ACOXL: variants seen among roughly 807,000 people sequenced by gnomAD.
ACOXL encodes acyl-CoA oxidase like.
In ACOXL, 70 loss-of-function variants were observed where a neutral mutation model predicts 71.9. That is an observed-to-expected ratio of 0.97 (90% confidence interval 0.80 to 1.19). ACOXL has a LOEUF of 1.19. ACOXL is among the 50% of genes most tolerant of loss of function. ACOXL has a pLI of 0.00. For synonymous variants in ACOXL, 253 were observed against 281.6 expected, an observed-to-expected ratio of 0.90 and a Z score of 1.02; for missense variants, 703 against 736.3, an observed-to-expected ratio of 0.95 and a Z score of 0.52.
At chr2:110,959,803 C>T (rs2061633133) in intron 12 of ACOXL, among the ~76,000 whole-genome samples, 1 of 152,142 alleles carries the variant, frequency 6.6e-6, no homozygotes, top group African/African-American at 2.4e-5. Context: ...CTTCTTTCAG[C>T]GATGACTGCA....
intron 12 of ACOXL, among the ~76,000 whole-genome samples, chr2:110,981,477 A>G (rs1015352209): frequency 1.3e-5 from 2 of 152,216 alleles, no homozygotes; most frequent in African/African-American, 4.8e-5. Flanking sequence ...GAGCGATTCC[A>G]TGAACTACCC....
intron 10 of ACOXL, among the ~76,000 whole-genome samples, chr2:110,871,181 G>A (rs1480702538): frequency 6.6e-6 from 1 of 152,156 alleles, no homozygotes; most frequent in Non-Finnish European, 1.5e-5. Flanking sequence ...TGCAAAACAT[G>A]TTGGAAAAAT....
At position 110,874,705 on chromosome 2, in the gene ACOXL, T is replaced by TAGAGC. The variant is rs368419469; in HGVS notation, c.788+33311_788+33315dup. Among the ~76,000 whole-genome samples, 188 of 152,252 alleles carry TAGAGC rather than the reference T, an allele frequency of 1.2e-3. 1 individual carries two copies. In the Middle Eastern group the frequency reaches 0.017, roughly 14 times the overall value. The stretch of plus-strand genomic sequence containing the variant: ...TGGGTGTTGCGAGGGTTTAACAAGT[T>TAGAGC]AGAGCAGAGCAGAGCTCACGGTGGA... On this transcript the variant is annotated intron_variant, in intron 10 of 17. Coordinates refer to ENST00000439055, the MANE Select transcript of ACOXL (RefSeq NM_001142807.4).
intron 9 of ACOXL, among the ~76,000 whole-genome samples, chr2:110,824,725 G>T (rs986799966): frequency 2.0e-5 from 3 of 151,818 alleles, no homozygotes; most frequent in Non-Finnish European, 4.4e-5. Context: ...ATTAATTAGT[G>T]CATATTTTCC....
chr2:111,092,994 CT>C (rs767446177), intron 17 of ACOXL, 28 bp downstream of exon 17: 2 of 1,550,394 alleles, frequency 1.3e-6, no homozygotes, highest in Non-Finnish European at 1.8e-6. Context: ...CAGAAAAACA[CT>C]TTGTACATCA....
chr2:110,963,589 G>C, intron 12 of ACOXL: 1 of 1,528,238 alleles, frequency 6.5e-7, no homozygotes, highest in Non-Finnish European at 8.9e-7. Context: ...GTGTGTGTGT[G>C]TGTGTGTGTG....
chr2:111,087,416 G>A (rs1218779045), intron 16 of ACOXL, among the ~76,000 whole-genome samples: 2 of 152,198 alleles, frequency 1.3e-5, no homozygotes, highest in South Asian at 2.1e-4. Context: ...TACAGATACA[G>A]TAACCAAAAT....
At chr2:111,035,682 T>C (rs2065477812) in intron 15 of ACOXL, among the ~76,000 whole-genome samples, 1 of 152,264 alleles carries the variant, frequency 6.6e-6, no homozygotes, top group South Asian at 2.1e-4. Flanking sequence ...TATAATAATG[T>C]GGATTTCTGC....
intron 15 of ACOXL, among the ~76,000 whole-genome samples, chr2:111,033,922 A>T (rs1236548713): frequency 6.6e-6 from 1 of 152,194 alleles, no homozygotes; most frequent in Non-Finnish European, 1.5e-5. Context: ...CAGAAATGTG[A>T]TCAAGTTTGA....
intron 1 of ACOXL, among the ~76,000 whole-genome samples, chr2:110,758,867 T>C (rs1680021688): frequency 6.6e-6 from 1 of 152,250 alleles, no homozygotes; most frequent in Non-Finnish European, 1.5e-5. Context: ...GAGATTCTGG[T>C]ACATCATTTC....
chr2:110,832,036 A>G (rs911847760), intron 9 of ACOXL, among the ~76,000 whole-genome samples: 1 of 152,198 alleles, frequency 6.6e-6, no homozygotes, highest in Non-Finnish European at 1.5e-5. Context: ...ATAAATAAAT[A>G]AATACATAAA....
intron 10 of ACOXL, among the ~76,000 whole-genome samples, chr2:110,875,428 T>G (rs950820890): frequency 2.7e-4 from 41 of 152,324 alleles, no homozygotes; most frequent in African/African-American, 9.6e-4. Flanking sequence ...TTTACGCCTT[T>G]GACATGCAAG....
At chr2:110,765,332 A>G (rs1259677699) in intron 1 of ACOXL, among the ~76,000 whole-genome samples, 1 of 152,184 alleles carries the variant, frequency 6.6e-6, no homozygotes, top group Admixed American at 6.5e-5. Flanking sequence ...TTTACCAAGT[A>G]GGGGAAGTTT....
At chr2:110,815,694 C>A (rs896696966) in intron 9 of ACOXL, among the ~76,000 whole-genome samples, 3 of 152,174 alleles carry the variant, frequency 2.0e-5, no homozygotes, top group African/African-American at 7.2e-5. Flanking sequence ...CAAGCTTGAT[C>A]TGAGTTTGGA....
At chr2:110,957,619 C>T (rs115656948) in intron 12 of ACOXL, among the ~76,000 whole-genome samples, 310 of 152,234 alleles carry the variant, frequency 2.0e-3, no homozygotes, top group South Asian at 6.4e-3. Context: ...GTGTCTGTGT[C>T]CTGATATCCT....
At chr2:110,995,080 TA>T (rs111304541) in intron 13 of ACOXL, among the ~76,000 whole-genome samples, 68,295 of 151,078 alleles carry the variant, frequency 0.45, 15,690 homozygotes, top group Middle Eastern at 0.53. Context: ...TATTTTGTAA[TA>T]GATATATTTG....
chr2:110,841,918 T>A (rs1691223564), intron 10 of ACOXL, among the ~76,000 whole-genome samples: 1 of 152,254 alleles, frequency 6.6e-6, no homozygotes, highest in African/African-American at 2.4e-5. Flanking sequence ...TGTTTGTTTC[T>A]TGTGTTGATA....
intron 11 of ACOXL, among the ~76,000 whole-genome samples, chr2:110,913,244 A>C (rs1269943643): frequency 6.6e-6 from 1 of 152,128 alleles, no homozygotes; most frequent in African/African-American, 2.4e-5. Context: ...CAGCGCTTCT[A>C]CTCCTAGGTA....
At chr2:111,096,359 C>T (rs1452063796) in intron 17 of ACOXL, among the ~76,000 whole-genome samples, 1 of 151,990 alleles carries the variant, frequency 6.6e-6, no homozygotes, top group African/African-American at 2.4e-5. Flanking sequence ...TCTCCTGCCT[C>T]AGCCTCCCAA....
Sources: allele counts gnomAD v4.1 joint callset (sites outside exome capture counted in the v4.1 genomes callset), GRCh38; gene constraint gnomAD v4.1.1; transcripts MANE v1.5; gene names NCBI Gene and HGNC (gene_info 2026-07-23, HGNC 2026-07-21).